Variants in BMPER observed in about 807,000 individuals in gnomAD.
The protein encoded by BMPER is BMP binding endothelial regulator, also known as BMP-binding endothelial regulator protein.
BMPER carries 45 observed loss-of-function variants against 87.3 expected under a neutral mutation model. The observed-to-expected ratio is 0.52, with a 90% CI of 0.41 to 0.66. BMPER has a LOEUF of 0.66. Ranked by LOEUF, BMPER falls within the 30% of genes least tolerant of loss-of-function variation. The pLI is 0.00. For missense variants in BMPER, 784 were observed against 867.5 expected, an observed-to-expected ratio of 0.90 and a Z score of 1.21; for synonymous variants, 326 against 316.2, an observed-to-expected ratio of 1.03 and a Z score of -0.33.
At chr7:33,910,430 A>C (rs1446886916) in intron 2 of BMPER, among the ~76,000 whole-genome samples, 3 of 152,322 alleles carry the variant, frequency 2.0e-5, no homozygotes, top group Non-Finnish European at 2.9e-5. Context: ...TCCACCAAGC[A>C]CACATGAGAA....
In BMPER at chr7:34,131,055, C is replaced by T. The variant is rs888801539; in HGVS notation, c.1746-12175C>T. On this transcript the variant is annotated intron_variant, in intron 13 of 14. Coordinates refer to ENST00000649409, the MANE Select transcript of BMPER (RefSeq NM_001365308.1). The stretch of plus-strand genomic sequence containing the variant: ...GCTTATAGAAAACAGGCCTCACATT[C>T]CAACTCTCAGGGGCTCATCTGAGGG... Among the ~76,000 whole-genome samples, 3 of 152,056 alleles carry T rather than the reference C, an allele frequency of 2.0e-5. No individual in the cohort carries two copies. In the East Asian group the frequency reaches 5.8e-4, roughly 30 times the overall value.
intron 11 of BMPER, among the ~76,000 whole-genome samples, chr7:34,068,937 AT>A (rs1395661052): frequency 6.6e-6 from 1 of 152,256 alleles, no homozygotes; most frequent in East Asian, 1.9e-4. Context: ...CTAATCCAGT[AT>A]TCATTCTACA....
At chr7:34,030,435 T>C (rs1428508538) in intron 6 of BMPER, among the ~76,000 whole-genome samples, 2 of 152,134 alleles carry the variant, frequency 1.3e-5, no homozygotes, top group African/African-American at 4.8e-5. Context: ...CCCAATGGAA[T>C]ATCCATATTT....
At chr7:34,026,156 C>A (rs1787352535) in intron 6 of BMPER, among the ~76,000 whole-genome samples, 1 of 152,016 alleles carries the variant, frequency 6.6e-6, no homozygotes, top group Non-Finnish European at 1.5e-5. Flanking sequence ...GGGGTTGAGA[C>A]TGGGTGATCC....
intron 14 of BMPER, among the ~76,000 whole-genome samples, chr7:34,146,211 C>T (rs1791015278): frequency 6.6e-6 from 1 of 152,148 alleles, no homozygotes; most frequent in Non-Finnish European, 1.5e-5. Flanking sequence ...TTGTTTTTAG[C>T]TCCCAGGTCC....
intron 6 of BMPER, among the ~76,000 whole-genome samples, chr7:34,024,375 AAAAAAAACAAT>A (rs1787286340): frequency 1.1e-5 from 1 of 93,534 alleles, no homozygotes; most frequent in African/African-American, 5.2e-5. Flanking sequence ...AAAAAAAAAA[AAAAAAAACAAT>A]ATATATATAT....
chr7:34,114,856 A>C (rs1425729516), intron 13 of BMPER, among the ~76,000 whole-genome samples: 3 of 152,266 alleles, frequency 2.0e-5, no homozygotes, highest in Admixed American at 6.5e-5. Context: ...GCAAGAGCAG[A>C]GGACAGGTGG....
At chr7:33,916,595 A>G (rs1489628810) in intron 2 of BMPER, among the ~76,000 whole-genome samples, 1 of 152,240 alleles carries the variant, frequency 6.6e-6, no homozygotes, top group Non-Finnish European at 1.5e-5. Context: ...GCACATTCAT[A>G]CAGCCTTCTG....
At chr7:34,092,226 G>T (rs1789405619) in intron 13 of BMPER, among the ~76,000 whole-genome samples, 1 of 152,166 alleles carries the variant, frequency 6.6e-6, no homozygotes, top group Non-Finnish European at 1.5e-5. Flanking sequence ...AATGCCGTGA[G>T]CACTTCTTAT....
At chr7:33,958,012 G>A (rs1785187771) in intron 3 of BMPER, among the ~76,000 whole-genome samples, 1 of 152,094 alleles carries the variant, frequency 6.6e-6, no homozygotes, top group Non-Finnish European at 1.5e-5. Flanking sequence ...TTGAGGAGAC[G>A]GAGGGTTCCA....
rs571516323 is a variant in BMPER, at chr7:34,045,490, G to A, written c.577-816G>A. Among the ~76,000 whole-genome samples the A allele has an allele frequency of 1.4e-4, 22 of 152,266 alleles. No individual in the cohort carries two copies. The South Asian group carries it at 1.9e-3, about 13-fold the overall frequency. On this transcript the variant is annotated intron_variant, in intron 6 of 14. Transcript: ENST00000649409. The stretch of plus-strand genomic sequence containing the variant: ...GGAGGGCAGTGGATGTTGGAGGTAT[G>A]GAGTGCTGGAGAACAGAAAGGGTCA...
chr7:34,084,427 G>A (rs564694292), intron 12 of BMPER, among the ~76,000 whole-genome samples: 19 of 152,266 alleles, frequency 1.2e-4, no homozygotes, highest in African/African-American at 4.6e-4. Context: ...TCCCAGGGCC[G>A]AAATACACCT....
intron 6 of BMPER, among the ~76,000 whole-genome samples, chr7:33,987,824 A>G (rs1039184603): frequency 3.9e-5 from 6 of 152,228 alleles, no homozygotes; most frequent in African/African-American, 7.2e-5. Flanking sequence ...CTAGAATTAA[A>G]CAGCAGAAAA....
At chr7:34,054,594 C>T (rs1454511609) in intron 8 of BMPER, among the ~76,000 whole-genome samples, 1 of 152,190 alleles carries the variant, frequency 6.6e-6, no homozygotes, top group African/African-American at 2.4e-5. Context: ...TGGTCAAAGT[C>T]ACTCCACTAC....
intron 3 of BMPER, among the ~76,000 whole-genome samples, chr7:33,941,328 A>T (rs1209443273): frequency 6.6e-6 from 1 of 151,122 alleles, no homozygotes; most frequent in Non-Finnish European, 1.5e-5. Context: ...CATTTAACAC[A>T]GTGGTTCCCA....
At chr7:34,122,218 C>G (rs1790282038) in intron 13 of BMPER, among the ~76,000 whole-genome samples, 2 of 152,118 alleles carry the variant, frequency 1.3e-5, no homozygotes, top group Non-Finnish European at 2.9e-5. Flanking sequence ...CAGGACCCAC[C>G]CCAACAGATT....
intron 14 of BMPER, among the ~76,000 whole-genome samples, chr7:34,143,853 C>A (rs1056313981): frequency 2.0e-5 from 3 of 152,114 alleles, no homozygotes; most frequent in Non-Finnish European, 4.4e-5. Context: ...TATTTGATAT[C>A]TGTAAAATGG....
chr7:33,997,701 G>A (rs1262811168), intron 6 of BMPER, among the ~76,000 whole-genome samples: 1 of 152,058 alleles, frequency 6.6e-6, no homozygotes, highest in Non-Finnish European at 1.5e-5. Context: ...CAGACCCTCT[G>A]GGCTCCCTGT....
rs1344582178 is a variant in BMPER at position 34,155,353 on chromosome 7, G to A, written c.*2080G>A. The A allele has an allele frequency of 6.6e-6, 1 of 152,156 alleles. No homozygotes were observed. The highest frequency in any genetic ancestry group is 1.5e-5 in the Non-Finnish European group (1 of 68,040). 9.4% of individuals were successfully genotyped at this position (152,156 alleles called of 1,614,324 possible). On this transcript the variant is annotated 3_prime_UTR_variant, in exon 15 of 15. Coordinates refer to ENST00000649409, the MANE Select transcript of BMPER (RefSeq NM_001365308.1). ...GATGGAGAAGGGAGAATTGTGGATG[G>A]TTATTTATAGCTCATGATTCATCCA...
Sources: gnomAD v4.1 joint callset for allele counts (sites outside exome capture counted in the v4.1 genomes callset) on GRCh38, gnomAD v4.1.1 for gene constraint, MANE v1.5 for transcripts, NCBI Gene and HGNC (gene_info 2026-07-23, HGNC 2026-07-21) for gene names.